Variants in GALNTL6 observed in about 807,000 individuals in gnomAD.
GALNTL6 encodes the protein polypeptide N-acetylgalactosaminyltransferase-like 6.
In GALNTL6, 46 loss-of-function variants were observed where a neutral mutation model predicts 73.7. The ratio of observed to expected loss-of-function variants is 0.62; its 90% CI spans 0.49 to 0.80. The LOEUF is 0.80. Ranked by LOEUF, GALNTL6 falls within the 30% of genes least tolerant of loss-of-function variation. The pLI, the probability that GALNTL6 is intolerant of heterozygous loss-of-function variation, is 0.00. For synonymous variants in GALNTL6, 259 were observed against 263.7 expected (o/e 0.98, Z 0.17); for missense variants, 604 against 755.0 (o/e 0.80, Z 2.34).
At chr4:171,993,641 A>T (rs760935755) in intron 2 of GALNTL6, among the ~76,000 whole-genome samples, 3 of 152,098 alleles carry the variant, frequency 2.0e-5, no homozygotes, top group Non-Finnish European at 4.4e-5. Context: ...ACTGAAAAAT[A>T]AGGCAGATGA....
Position 172,689,481 on chromosome 4 carries a change from C to T in GALNTL6, c.554-119880C>T, listed in dbSNP as rs34341291. Reference sequence around the variant, plus strand: ...AAAAGTAAAATTTTAATATGAAAAACGTTTTGAAAATTTGAATATCAAATT... The same window carrying T: ...AAAAGTAAAATTTTAATATGAAAAATGTTTTGAAAATTTGAATATCAAATT... On this transcript the variant is annotated intron_variant, in intron 5 of 12. Transcript: ENST00000506823. Among the ~76,000 whole-genome samples, 904 of 152,204 alleles carry T rather than the reference C, an allele frequency of 5.9e-3. 9 individuals carry two copies. Among genetic ancestry groups the T allele is most frequent in the African/African-American group, 0.02 (835 of 41,528 alleles).
At chr4:173,003,333 G>A (rs1203832057) in intron 10 of GALNTL6, among the ~76,000 whole-genome samples, 1 of 152,146 alleles carries the variant, frequency 6.6e-6, no homozygotes, top group Non-Finnish European at 1.5e-5. Flanking sequence ...TTGGGGGATT[G>A]TGTAAGACAC....
intron 5 of GALNTL6, among the ~76,000 whole-genome samples, chr4:172,790,936 G>A (rs73869658): frequency 0.022 from 3,255 of 149,374 alleles, 118 homozygotes; most frequent in African/African-American, 0.076. Context: ...TCTTCCACCC[G>A]GTCTTAGGAA....
At chr4:172,743,059 C>A (rs894015949) in intron 5 of GALNTL6, among the ~76,000 whole-genome samples, 2 of 151,948 alleles carry the variant, frequency 1.3e-5, no homozygotes, top group African/African-American at 4.8e-5. Context: ...CTTTAAGAAG[C>A]CTCAATAGCA....
At chr4:172,781,817 A>G (rs1739383191) in intron 5 of GALNTL6, among the ~76,000 whole-genome samples, 1 of 151,944 alleles carries the variant, frequency 6.6e-6, no homozygotes, top group Non-Finnish European at 1.5e-5. Flanking sequence ...TTTACCCTAT[A>G]TACTTTGGTA....
At chr4:172,573,431 T>C (rs1033193171) in intron 5 of GALNTL6, among the ~76,000 whole-genome samples, 3 of 152,176 alleles carry the variant, frequency 2.0e-5, no homozygotes, top group Non-Finnish European at 2.9e-5. Flanking sequence ...CAATTAGGCG[T>C]TTAAAAAATA....
At chr4:172,160,905 C>T (rs939620457) in intron 2 of GALNTL6, among the ~76,000 whole-genome samples, 13 of 53,868 alleles carry the variant, frequency 2.4e-4, no homozygotes, top group Admixed American at 6.0e-4. Context: ...CACACACACA[C>T]ACACATACAC....
At chr4:172,823,139 G>A (rs578258533) in intron 7 of GALNTL6, among the ~76,000 whole-genome samples, 1 of 152,222 alleles carries the variant, frequency 6.6e-6, no homozygotes, top group East Asian at 1.9e-4. Flanking sequence ...CCAATAACAT[G>A]ATACCAGAGC....
chr4:172,281,058 A>G (rs1384598835), intron 3 of GALNTL6, among the ~76,000 whole-genome samples: 16 of 151,830 alleles, frequency 1.1e-4, no homozygotes, highest in Non-Finnish European at 4.4e-5. Flanking sequence ...AGTCCCTGCT[A>G]CTTAGGAGGC....
intron 5 of GALNTL6, among the ~76,000 whole-genome samples, chr4:172,357,637 A>ACACACACG (rs1299780090): frequency 1.2e-4 from 1 of 8,586 alleles, no homozygotes; most frequent in Non-Finnish European, 1.7e-3. Flanking sequence ...AGATATATAC[A>ACACACACG]CACACACACA....
intron 10 of GALNTL6, among the ~76,000 whole-genome samples, chr4:172,996,210 T>TA (rs555189330): frequency 8.0e-5 from 12 of 150,688 alleles, no homozygotes; most frequent in African/African-American, 2.0e-4. Context: ...TATGCAACCA[T>TA]AAAAAAAATG....
chr4:172,332,898 A>G (rs891072696), intron 4 of GALNTL6, among the ~76,000 whole-genome samples: 10 of 152,152 alleles, frequency 6.6e-5, no homozygotes, highest in African/African-American at 2.4e-4. Flanking sequence ...CATGCTGACT[A>G]TACTAGTTTA....
intron 3 of GALNTL6, among the ~76,000 whole-genome samples, chr4:172,251,251 A>G (rs1737856553): frequency 6.6e-6 from 1 of 152,066 alleles, no homozygotes; most frequent in Admixed American, 6.6e-5. Flanking sequence ...TCTTTGTCTT[A>G]TTAAAGCCTT....
At chr4:172,450,034 A>G (rs1328193410) in intron 5 of GALNTL6, among the ~76,000 whole-genome samples, 2 of 152,024 alleles carry the variant, frequency 1.3e-5, no homozygotes, top group African/African-American at 4.8e-5. Flanking sequence ...CCTGACGAAC[A>G]TGGAGAAACC....
intron 2 of GALNTL6, among the ~76,000 whole-genome samples, chr4:171,890,305 GA>G (rs1334449192): frequency 6.6e-6 from 1 of 152,012 alleles, no homozygotes; most frequent in Non-Finnish European, 1.5e-5. Context: ...ACTAGCTCTA[GA>G]GGAAAATCAG....
intron 5 of GALNTL6, among the ~76,000 whole-genome samples, chr4:172,690,738 A>C (rs955370376): frequency 1.3e-5 from 2 of 152,244 alleles, no homozygotes; most frequent in African/African-American, 4.8e-5. Context: ...TTATTTGCAT[A>C]TCTCTCAACT....
intron 2 of GALNTL6, among the ~76,000 whole-genome samples, chr4:171,848,593 A>G (rs1479526410): frequency 1.3e-5 from 2 of 152,214 alleles, no homozygotes; most frequent in Non-Finnish European, 2.9e-5. Context: ...TAGATCTTCT[A>G]GATAACTTGC....
chr4:171,891,827 A>G (rs1037535927), intron 2 of GALNTL6, among the ~76,000 whole-genome samples: 3 of 152,226 alleles, frequency 2.0e-5, no homozygotes, highest in South Asian at 2.1e-4. Context: ...TATGCCCACT[A>G]CAACATTTGA....
chr4:172,135,103 A>T (rs1025019758), intron 2 of GALNTL6, among the ~76,000 whole-genome samples: 1 of 152,216 alleles, frequency 6.6e-6, no homozygotes, highest in Non-Finnish European at 1.5e-5. Context: ...TCTAAGTGCC[A>T]GCTTTTCTAA....
Sources: gnomAD v4.1 joint callset for allele counts (sites outside exome capture counted in the v4.1 genomes callset) on GRCh38, gnomAD v4.1.1 for gene constraint, MANE v1.5 for transcripts, NCBI Gene and HGNC (gene_info 2026-07-23, HGNC 2026-07-21) for gene names.